CFAP61: variants seen among roughly 807,000 people sequenced by gnomAD.
The protein encoded by CFAP61 is cilia- and flagella-associated protein 61.
CFAP61 carries 107 observed loss-of-function variants against 135.6 expected under a neutral mutation model. The ratio of observed to expected loss-of-function variants is 0.79; its 90% CI spans 0.67 to 0.93. CFAP61 has a LOEUF of 0.93. Among genes scored for constraint, CFAP61 ranks in the 40% least tolerant of loss-of-function variants. The pLI is 0.00. For missense variants in CFAP61, 1,507 were observed against 1,556.2 expected (o/e 0.97, Z 0.53); for synonymous variants, 575 against 578.5 (o/e 0.99, Z 0.09).
intron 1 of CFAP61, among the ~76,000 whole-genome samples, chr20:20,055,773 A>G (rs1279211374): frequency 6.6e-6 from 1 of 152,226 alleles, no homozygotes; most frequent in Non-Finnish European, 1.5e-5. Flanking sequence ...GTTAGCTTCG[A>G]TAGGAGTCTA....
intron 6 of CFAP61, among the ~76,000 whole-genome samples, chr20:20,077,824 A>G (rs1443558571): frequency 7.9e-6 from 1 of 126,576 alleles, no homozygotes; most frequent in Non-Finnish European, 1.5e-5. Flanking sequence ...TTGTGGAGAC[A>G]GAGGTTCTTA....
chr20:20,334,673 C>G (rs894992740), intron 25 of CFAP61, among the ~76,000 whole-genome samples: 1 of 152,168 alleles, frequency 6.6e-6, no homozygotes, highest in African/African-American at 2.4e-5. Flanking sequence ...GCTGCTCTTT[C>G]GGTTATGTAA....
rs2053844754 is a variant in CFAP61, at chr20:20,277,343, G to C, written c.2681G>C (p.Gly894Ala). ...SAVADALGAA[G>A]VTMYRDAILA... ...GTGGCGGACGCGCTAGGAGCCGCCG[G>C]AGTCACTATGTACCGGGATGCGATC... Residue 894 changes from glycine (G) to alanine (A), a missense_variant, in exon 22 of 27, where the codon GGA becomes GCA. Transcript: ENST00000245957. 3.7e-6 allele frequency: 6 copies of C among 1,614,060 alleles called. No homozygotes were observed. The highest frequency in any genetic ancestry group is 1.6e-4 in the Middle Eastern group (1 of 6,082).
At chr20:20,317,576 GTA>G in intron 25 of CFAP61, among the ~76,000 whole-genome samples, 1 of 152,266 alleles carries the variant, frequency 6.6e-6, no homozygotes, top group South Asian at 2.1e-4. Context: ...ACTCTATCTA[GTA>G]ATTTGGGGAG....
Position 20,241,219 on chromosome 20 carries a change from A to T in CFAP61, c.2061-4898A>T, listed in dbSNP as rs2049993508. 1.3e-5 allele frequency among the ~76,000 whole-genome samples: 2 copies of T among 152,198 alleles called. 1 individual carries two copies. The highest frequency in any genetic ancestry group is 4.1e-4 in the South Asian group (2 of 4,824). The stretch of plus-strand genomic sequence containing the variant: ...GGAAACATAAAAATGCCTGGTGACC[A>T]GTCCCCATTTTCTTTATGACATAGG... On this transcript the variant is annotated intron_variant, in intron 18 of 26. Coordinates refer to ENST00000245957, the MANE Select transcript of CFAP61 (RefSeq NM_015585.4).
chr20:20,318,875 CCT>C (rs2057288063), intron 25 of CFAP61, among the ~76,000 whole-genome samples: 1 of 152,234 alleles, frequency 6.6e-6, no homozygotes, highest in African/African-American at 2.4e-5. Context: ...AGACTTTCAG[CCT>C]CTCTGGGTTC....
At chr20:20,169,019 A>C (rs1430482811) in intron 12 of CFAP61, among the ~76,000 whole-genome samples, 1 of 152,202 alleles carries the variant, frequency 6.6e-6, no homozygotes, top group Non-Finnish European at 1.5e-5. Context: ...ACTTACCTGT[A>C]TGAATTGTCT....
chr20:20,075,933 C>G (rs983466312), intron 6 of CFAP61, among the ~76,000 whole-genome samples: 1 of 151,906 alleles, frequency 6.6e-6, no homozygotes, highest in Non-Finnish European at 1.5e-5. Flanking sequence ...AATGAACCTG[C>G]CTATTCAGTT....
intron 8 of CFAP61, among the ~76,000 whole-genome samples, chr20:20,138,762 A>G (rs937808009): frequency 5.9e-5 from 9 of 152,106 alleles, no homozygotes; most frequent in Admixed American, 5.2e-4. Flanking sequence ...GATTGGTGGA[A>G]GCTTCTATTT....
chr20:20,277,588 C>A, intron 22 of CFAP61, 130 bp downstream of exon 22: 1 of 957,494 alleles, frequency 1.0e-6, no homozygotes, highest in Non-Finnish European at 1.5e-6. Flanking sequence ...TCTGTGTGTT[C>A]AGATTACCTC....
Position 20,072,960 on chromosome 20 carries a change from A to G in CFAP61, c.295-1342A>G, listed in dbSNP as rs146519077. Among the ~76,000 whole-genome samples the G allele has an allele frequency of 2.0e-4, 30 of 152,308 alleles. No individual in the cohort carries two copies. In the East Asian group the frequency reaches 4.8e-3, roughly 24 times the overall value. The stretch of plus-strand genomic sequence containing the variant: ...TAATGTGTCTACTAGAAAATTTGAA[A>G]TGACATTTGTGGCTTGCATTACTTT... On this transcript the variant is annotated intron_variant, in intron 3 of 26. Coordinates refer to ENST00000245957, the MANE Select transcript of CFAP61 (RefSeq NM_015585.4).
chr20:20,133,676 A>T (rs1428887743), intron 8 of CFAP61, among the ~76,000 whole-genome samples: 1 of 152,240 alleles, frequency 6.6e-6, no homozygotes, highest in East Asian at 1.9e-4. Flanking sequence ...CTAAGGAGAC[A>T]CAAACTTCAG....
intron 25 of CFAP61, among the ~76,000 whole-genome samples, chr20:20,334,823 A>C (rs1378346349): frequency 6.6e-6 from 1 of 152,198 alleles, no homozygotes; most frequent in Non-Finnish European, 1.5e-5. Flanking sequence ...ACTCAGGCTG[A>C]ACTCAAGGAA....
At chr20:20,131,431 A>G (rs2050520080) in intron 8 of CFAP61, among the ~76,000 whole-genome samples, 1 of 152,092 alleles carries the variant, frequency 6.6e-6, no homozygotes, top group Non-Finnish European at 1.5e-5. Context: ...AGTTGAAGCC[A>G]TTTTCATTTT....
intron 25 of CFAP61, among the ~76,000 whole-genome samples, chr20:20,305,166 G>C (rs963202874): frequency 1.3e-5 from 2 of 152,198 alleles, no homozygotes; most frequent in Non-Finnish European, 1.5e-5. Flanking sequence ...ACATTTACTG[G>C]CTGAGTGTTG....
At chr20:20,182,702 T>G (rs1245114959) in intron 13 of CFAP61, among the ~76,000 whole-genome samples, 3 of 132,140 alleles carry the variant, frequency 2.3e-5, no homozygotes. Context: ...CACTTTTTCC[T>G]GCCAATTGCT....
At chr20:20,237,749 G>T (rs549389544) in intron 18 of CFAP61, among the ~76,000 whole-genome samples, 1 of 152,210 alleles carries the variant, frequency 6.6e-6, no homozygotes, top group Non-Finnish European at 1.5e-5. Flanking sequence ...TTCTTTTACA[G>T]TTAGTTGGTT....
At chr20:20,150,001 C>T (rs2052258572) in intron 9 of CFAP61, among the ~76,000 whole-genome samples, 2 of 152,176 alleles carry the variant, frequency 1.3e-5, no homozygotes, top group Admixed American at 1.3e-4. Flanking sequence ...GAGTCCTACA[C>T]ACAGGCTGCC....
At chr20:20,328,981 C>A (rs1205150978) in intron 25 of CFAP61, among the ~76,000 whole-genome samples, 1 of 152,204 alleles carries the variant, frequency 6.6e-6, no homozygotes, top group African/African-American at 2.4e-5. Flanking sequence ...GGACCTTACT[C>A]TTCCTACTGC....
Sources: allele counts gnomAD v4.1 joint callset (sites outside exome capture counted in the v4.1 genomes callset), GRCh38; gene constraint gnomAD v4.1.1; transcripts MANE v1.5; gene names NCBI Gene and HGNC (gene_info 2026-07-23, HGNC 2026-07-21).